The following MYOF variants were observed in gnomAD, a reference collection of about 807,000 sequenced individuals.
MYOF encodes fer-1-like 3, myoferlin.
A neutral mutation model predicts 284.2 loss-of-function variants in MYOF; 244 were observed. The observed-to-expected ratio is 0.86, with a 90% confidence interval of 0.77 to 0.95. The LOEUF is 0.95. MYOF is among the 40% of genes least tolerant of loss of function. The pLI is 0.00. For missense variants in MYOF, 2,496 were observed against 2,560.6 expected, an observed-to-expected ratio of 0.97 and a Z score of 0.54; for synonymous variants, 904 against 919.7, an observed-to-expected ratio of 0.98 and a Z score of 0.31.
At chr10:93,399,729 G>T (rs1037922753) in intron 12 of MYOF, among the ~76,000 whole-genome samples, 1 of 152,142 alleles carries the variant, frequency 6.6e-6, no homozygotes, top group East Asian at 1.9e-4. Context: ...AAAATTAGCT[G>T]GGTGTGGTGG....
Position 93,351,450 on chromosome 10 carries a change from T to TC in MYOF, c.3784dup (p.Asp1262GlyfsTer46). On this transcript the variant is annotated frameshift_variant, in exon 34 of 54. Transcript: ENST00000359263. LOFTEE classifies it high-confidence loss of function. The stretch of plus-strand genomic sequence containing the variant: ...AATCAGCTCTGCAGTTACAAGAACA[T>TC]CCCCGCAGGCTTTGTCTCCATTCAT... 2 of 1,614,132 alleles carry TC rather than the reference T, an allele frequency of 1.2e-6. No homozygotes were observed. Among genetic ancestry groups the TC allele is most frequent in the Non-Finnish European group, 1.7e-6 (2 of 1,180,018 alleles).
chr10:93,386,181 C>A (rs1846355942), intron 19 of MYOF, among the ~76,000 whole-genome samples: 1 of 152,148 alleles, frequency 6.6e-6, no homozygotes, highest in African/African-American at 2.4e-5. Flanking sequence ...AGTCAAGAAC[C>A]ACCATGTGTC....
rs3866906 is a variant in MYOF at position 93,405,794 on chromosome 10, A to ATT, written c.730-1577_730-1576dup. Among the ~76,000 whole-genome samples the ATT allele has an allele frequency of 2.2e-3, 248 of 113,788 alleles. 1 individual carries two copies. Among genetic ancestry groups the ATT allele is most frequent in the African/African-American group, 6.9e-3 (236 of 34,292 alleles). 74.6% of individuals were successfully genotyped at this position (113,788 alleles called of 152,430 possible). On this transcript the variant is annotated intron_variant, in intron 7 of 53. Coordinates refer to ENST00000359263, the MANE Select transcript of MYOF (RefSeq NM_013451.4). ...GTTAAAAAGATATATACAGGCTAGG[A>ATT]TTTTTTTTTTTTTTTTTTTTTTTGA...
intron 29 of MYOF, among the ~76,000 whole-genome samples, chr10:93,357,497 A>G (rs1432303180): frequency 6.6e-6 from 1 of 152,214 alleles, no homozygotes; most frequent in East Asian, 1.9e-4. Flanking sequence ...GACACAGTGA[A>G]GAAGAGATAG....
At chr10:93,370,144 G>C (rs1414005825) in intron 24 of MYOF, among the ~76,000 whole-genome samples, 3 of 152,092 alleles carry the variant, frequency 2.0e-5, no homozygotes, top group Non-Finnish European at 4.4e-5. Flanking sequence ...AGGAATCAAG[G>C]CCGGATTGCC....
chr10:93,316,786 C>T lies in MYOF; in HGVS notation c.5626G>A (p.Glu1876Lys). The stretch of plus-strand genomic sequence containing the variant: ...ATCAGCCTGGGTGGGATTCGAAATT[C>T]CGTTTGGTCAATACTCCAGAAATGC... ...KEHFWSIDQT[E>K]FRIPPRLIIQ... Residue 1876 changes from glutamate to lysine, a missense_variant, in exon 50 of 54, where the codon GAA (glutamate) becomes AAA (lysine). Glu to Lys is a moderately conservative substitution (Grantham distance 56). Transcript: ENST00000359263. The T allele has an allele frequency of 6.2e-7, 1 of 1,613,884 alleles. No homozygotes were observed. The highest frequency in any genetic ancestry group is 1.1e-5 in the South Asian group (1 of 91,046).
At chr10:93,391,079 C>A (rs542916937) in intron 17 of MYOF, among the ~76,000 whole-genome samples, 1 of 152,218 alleles carries the variant, frequency 6.6e-6, no homozygotes, top group Non-Finnish European at 1.5e-5. Context: ...AATGACTGTG[C>A]TGTCATGTGT....
Position 93,369,644 on chromosome 10 carries a change from C to A in MYOF, c.2589+1G>T. 2 of 1,614,130 alleles carry A rather than the reference C, an allele frequency of 1.2e-6. No homozygotes were observed. Among genetic ancestry groups the A allele is most frequent in the Non-Finnish European group, 1.7e-6 (2 of 1,180,002 alleles). On this transcript the variant is annotated splice_donor_variant, in intron 25 of 53. Transcript: ENST00000359263. LOFTEE classifies it high-confidence loss of function. ...AAAGATAGTGAAATCATTAAAGGTACCATTTCAGCAAAGACGGTGAAAGTT... is the reference window on the plus strand; with the variant it reads ...AAAGATAGTGAAATCATTAAAGGTAACATTTCAGCAAAGACGGTGAAAGTT...
intron 49 of MYOF, among the ~76,000 whole-genome samples, chr10:93,318,540 C>G (rs1243551759): frequency 6.6e-6 from 1 of 152,128 alleles, no homozygotes; most frequent in Non-Finnish European, 1.5e-5. Flanking sequence ...GGGTGGATCA[C>G]CTGAGGTCAG....
At chr10:93,427,220 A>AAC (rs1848633772) in intron 4 of MYOF, among the ~76,000 whole-genome samples, 1 of 151,712 alleles carries the variant, frequency 6.6e-6, no homozygotes, top group African/African-American at 2.4e-5. Flanking sequence ...AACAAAACAA[A>AAC]AAAAAACAGA....
chr10:93,339,422 A>C (rs962375404), intron 39 of MYOF, among the ~76,000 whole-genome samples: 30 of 151,992 alleles, frequency 2.0e-4, no homozygotes, highest in South Asian at 4.2e-4. Context: ...ATACTTACAC[A>C]GAATTACTTC....
chr10:93,340,760 AT>A (rs34675111), intron 38 of MYOF, among the ~76,000 whole-genome samples: 99,435 of 151,524 alleles, frequency 0.66, 34,173 homozygotes, highest in East Asian at 0.97. Flanking sequence ...CTTTCATGTG[AT>A]TTTTTTTTAA....
chr10:93,409,563 C>T lies in MYOF; in HGVS notation c.600+10G>A, dbSNP rs763487389. 3 of 1,610,278 alleles carry T rather than the reference C, an allele frequency of 1.9e-6. No homozygotes were observed. Among genetic ancestry groups the T allele is most frequent in the Admixed American group, 3.4e-5 (2 of 58,800 alleles). On this transcript the variant is annotated intron_variant, in intron 6 of 53. Coordinates refer to ENST00000359263, the MANE Select transcript of MYOF (RefSeq NM_013451.4). ...TTAAACAAAGAAGCAGAACGCCAGG[C>T]CGTTGCTACCTGGAAGTCCTGTGGC...
In MYOF at chr10:93,310,086, G is replaced by T; in HGVS notation, c.6081C>A (p.Val2027=). Residue 2027 remains valine, a synonymous_variant, in exon 53 of 54, where the codon GTC becomes GTA. Transcript: ENST00000359263. The part of the protein sequence containing the change: ...KFIVWRRFKW[V]IIGLLFLLIL... Reference sequence around the variant, plus strand: ...TAAGCAGGAACAGCAAGCCGATGATGACCCACTTAAAGCGGCGCCACACGA... The same window carrying T: ...TAAGCAGGAACAGCAAGCCGATGATTACCCACTTAAAGCGGCGCCACACGA... 1 of 1,614,138 alleles carries T rather than the reference G, an allele frequency of 6.2e-7. No homozygotes were observed.
At chr10:93,395,564 T>C (rs1255841286) in intron 16 of MYOF, among the ~76,000 whole-genome samples, 1 of 152,178 alleles carries the variant, frequency 6.6e-6, no homozygotes, top group Non-Finnish European at 1.5e-5. Flanking sequence ...TAATGCCAGG[T>C]ATAGGCAAAT....
At chr10:93,392,896 G>A (rs772872630) in intron 17 of MYOF, 21 bp downstream of exon 17, 2 of 1,602,818 alleles carry the variant, frequency 1.2e-6, no homozygotes, top group South Asian at 2.2e-5. Context: ...ATAACAGAGA[G>A]CAAAATTACG....
At chr10:93,409,810 A>G in intron 5 of MYOF, 71 bp from the exon 6 acceptor site, 4 of 1,566,984 alleles carry the variant, frequency 2.6e-6, no homozygotes, top group Non-Finnish European at 2.6e-6. Context: ...TCAGGTTTCC[A>G]GGACACGGTT....
rs1343817954 is a variant in MYOF at position 93,402,274 on chromosome 10, C to A, written c.948G>T (p.Met316Ile). 6.2e-7 allele frequency: 1 copy of A among 1,614,128 alleles called. No homozygotes were observed. The highest frequency in any genetic ancestry group is 8.5e-7 in the Non-Finnish European group (1 of 1,180,010). The change falls in exon 11 of 54, where the codon ATG becomes ATT. Residue 316 changes from methionine (M) to isoleucine (I), a missense_variant. By Grantham distance (10) the Met-to-Ile change is conservative (BLOSUM62 1). Coordinates refer to ENST00000359263, the MANE Select transcript of MYOF (RefSeq NM_013451.4). ...TTCCCAGGACAAACATGCTGACTTT[C>A]ATATAACCTTTAGAACCTGAACTGG... ...EDTSSGSKGY[M>I]KVSMFVLGTG...
rs142992583 is a variant in MYOF, at chr10:93,326,708, C to T, written c.5132-743G>A. Among the ~76,000 whole-genome samples the T allele has an allele frequency of 4.4e-3, 670 of 152,000 alleles. 5 individuals carry two copies. The highest frequency in any genetic ancestry group is 0.015 in the African/African-American group (624 of 41,404). On this transcript the variant is annotated intron_variant, in intron 45 of 53. Coordinates refer to ENST00000359263, the MANE Select transcript of MYOF (RefSeq NM_013451.4). The stretch of plus-strand genomic sequence containing the variant: ...GGCGTGATCTCGGCTCACTGCAACC[C>T]CTGCCTCCTGGGTTCAAGCGATTCT...
Sources: allele counts gnomAD v4.1 joint callset (sites outside exome capture counted in the v4.1 genomes callset), GRCh38; gene constraint gnomAD v4.1.1; transcripts MANE v1.5; gene names NCBI Gene and HGNC (gene_info 2026-07-23, HGNC 2026-07-21).